The following GPC5 variants were observed in gnomAD, a reference collection of about 807,000 sequenced individuals.
GPC5 encodes glypican 5.
A neutral mutation model predicts 53.9 loss-of-function variants in GPC5; 47 were observed. The ratio of observed to expected loss-of-function variants is 0.87; its 90% confidence interval spans 0.69 to 1.11. GPC5 has a LOEUF of 1.11. Ranked by LOEUF, GPC5 falls within the 50% of genes most tolerant of loss-of-function variation. The pLI is 0.00. For missense variants in GPC5, 748 were observed against 713.1 expected (o/e 1.05, Z -0.56); for synonymous variants, 286 against 263.3 (o/e 1.09, Z -0.84).
At position 91,398,650 on chromosome 13, in the gene GPC5, G is replaced by T. The variant is rs878950471; in HGVS notation, c.-397G>T. 7 of 153,658 alleles carry T rather than the reference G, an allele frequency of 4.6e-5. No homozygotes were observed. The South Asian group carries it at 1.1e-3, about 24-fold the overall frequency. The allele number at this position is 153,658 out of a possible 1,614,324, so 9.5% of individuals were successfully genotyped here. ...CAGGTTAGCTGCTGCGAGCCGAGCC[G>T]GGCGGCGGAGGCGGCGGCGGCGGCG... On this transcript the variant is annotated 5_prime_UTR_variant, in exon 1 of 8. Transcript: ENST00000377067.
intron 7 of GPC5, among the ~76,000 whole-genome samples, chr13:92,711,353 T>C (rs1260687810): frequency 6.6e-6 from 1 of 152,176 alleles, no homozygotes; most frequent in East Asian, 1.9e-4. Context: ...TACACTGTCA[T>C]GGCTGGTTGG....
chr13:92,400,804 G>T (rs1234866773), intron 7 of GPC5, among the ~76,000 whole-genome samples: 1 of 152,172 alleles, frequency 6.6e-6, no homozygotes, highest in Non-Finnish European at 1.5e-5. Context: ...AGATAACTGT[G>T]CCAGATTCAT....
At chr13:91,665,243 A>G (rs984730039) in intron 2 of GPC5, among the ~76,000 whole-genome samples, 5 of 152,190 alleles carry the variant, frequency 3.3e-5, no homozygotes, top group African/African-American at 7.2e-5. Flanking sequence ...TAGCTTATCT[A>G]TGGCTCACAC....
At chr13:91,475,878 G>C (rs750004328) in intron 2 of GPC5, among the ~76,000 whole-genome samples, 1 of 152,178 alleles carries the variant, frequency 6.6e-6, no homozygotes, top group Non-Finnish European at 1.5e-5. Context: ...CATGGAGCTA[G>C]AGAATGCAGA....
intron 2 of GPC5, among the ~76,000 whole-genome samples, chr13:91,498,444 A>G (rs1489240312): frequency 1.3e-5 from 2 of 152,008 alleles, no homozygotes; most frequent in Non-Finnish European, 2.9e-5. Flanking sequence ...TTTGAGCACA[A>G]TGGGTCCGCA....
intron 7 of GPC5, among the ~76,000 whole-genome samples, chr13:92,865,194 A>G (rs531613951): frequency 4.6e-5 from 7 of 152,284 alleles, no homozygotes; most frequent in African/African-American, 1.7e-4. Context: ...TACGGAAGTA[A>G]TAACCAGAAT....
intron 7 of GPC5, among the ~76,000 whole-genome samples, chr13:92,349,410 G>C (rs1212514866): frequency 6.6e-6 from 1 of 151,040 alleles, no homozygotes; most frequent in Non-Finnish European, 1.5e-5. Flanking sequence ...CTCCCAAAGT[G>C]CTAGGATTAC....
intron 7 of GPC5, among the ~76,000 whole-genome samples, chr13:92,519,069 G>C (rs982610214): frequency 6.6e-6 from 1 of 152,166 alleles, no homozygotes; most frequent in Non-Finnish European, 1.5e-5. Context: ...AATTCAACAA[G>C]AAGACCTAAC....
At chr13:91,561,717 G>A (rs2031272125) in intron 2 of GPC5, among the ~76,000 whole-genome samples, 1 of 151,842 alleles carries the variant, frequency 6.6e-6, no homozygotes, top group Non-Finnish European at 1.5e-5. Context: ...TACAATAACT[G>A]TCAGTAACTG....
At chr13:92,604,431 A>T (rs964464454) in intron 7 of GPC5, among the ~76,000 whole-genome samples, 2 of 152,220 alleles carry the variant, frequency 1.3e-5, no homozygotes, top group African/African-American at 4.8e-5. Context: ...TTTGTGAATT[A>T]ACAAACCAAA....
At chr13:92,722,949 T>C (rs1888544051) in intron 7 of GPC5, among the ~76,000 whole-genome samples, 1 of 151,790 alleles carries the variant, frequency 6.6e-6, no homozygotes, top group Non-Finnish European at 1.5e-5. Flanking sequence ...AAACTTTGAG[T>C]TTATACAAAC....
At chr13:92,607,537 G>A (rs2139090051) in intron 7 of GPC5, among the ~76,000 whole-genome samples, 1 of 152,150 alleles carries the variant, frequency 6.6e-6, no homozygotes, top group South Asian at 2.1e-4. Flanking sequence ...TCTAATGGAA[G>A]AGACTGATAA....
At chr13:92,386,848 A>G (rs926961188) in intron 7 of GPC5, among the ~76,000 whole-genome samples, 20 of 152,110 alleles carry the variant, frequency 1.3e-4, no homozygotes, top group African/African-American at 4.1e-4. Context: ...ACTCTCTGCT[A>G]TAGCCATCTA....
intron 6 of GPC5, among the ~76,000 whole-genome samples, chr13:92,035,703 A>C (rs1328421631): frequency 6.7e-6 from 1 of 150,274 alleles, no homozygotes; most frequent in Non-Finnish European, 1.5e-5. Flanking sequence ...TCTTCAAAAA[A>C]TTTCTTAAAA....
intron 7 of GPC5, among the ~76,000 whole-genome samples, chr13:92,536,904 G>A (rs908220895): frequency 6.6e-6 from 1 of 151,994 alleles, no homozygotes; most frequent in African/African-American, 2.4e-5. Flanking sequence ...TAGTGTATAT[G>A]TCTGTCTAAT....
chr13:91,655,313 A>T (rs2139581606), intron 2 of GPC5, among the ~76,000 whole-genome samples: 1 of 152,208 alleles, frequency 6.6e-6, no homozygotes, highest in East Asian at 1.9e-4. Context: ...GTGTACACAT[A>T]TGTATGTATA....
chr13:92,662,297 A>G (rs1489595696), intron 7 of GPC5, among the ~76,000 whole-genome samples: 2 of 152,220 alleles, frequency 1.3e-5, no homozygotes, highest in African/African-American at 4.8e-5. Context: ...TTCAATTGCA[A>G]TATGAATCCA....
At chr13:92,406,421 A>C (rs1049462825) in intron 7 of GPC5, among the ~76,000 whole-genome samples, 3 of 152,174 alleles carry the variant, frequency 2.0e-5, no homozygotes, top group African/African-American at 7.2e-5. Flanking sequence ...AGCAATGAGA[A>C]ATTTTCTTCC....
At chr13:91,731,519 A>G (rs1248589293) in intron 4 of GPC5, among the ~76,000 whole-genome samples, 3 of 151,358 alleles carry the variant, frequency 2.0e-5, no homozygotes, top group Non-Finnish European at 2.9e-5. Context: ...CTTTTCCTTT[A>G]TTTTATTTTC....
Sources: allele counts gnomAD v4.1 joint callset (sites outside exome capture counted in the v4.1 genomes callset), GRCh38; gene constraint gnomAD v4.1.1; transcripts MANE v1.5; gene names NCBI Gene and HGNC (gene_info 2026-07-23, HGNC 2026-07-21).